Variants in ERLIN2 observed in about 807,000 individuals in gnomAD.
The protein encoded by ERLIN2 is erlin-2.
Under a neutral mutation model 41.5 loss-of-function variants are expected in ERLIN2, and 22 were observed. That is an observed-to-expected ratio of 0.53 (90% confidence interval 0.38 to 0.76). ERLIN2 has a LOEUF of 0.76. Among genes scored for constraint, ERLIN2 ranks in the 30% least tolerant of loss-of-function variants. ERLIN2 has a pLI of 0.00. For missense variants in ERLIN2, 247 were observed against 414.3 expected, an observed-to-expected ratio of 0.60 and a Z score of 3.51; for synonymous variants, 149 against 150.9, an observed-to-expected ratio of 0.99 and a Z score of 0.09.
Position 37,747,786 on chromosome 8 carries a change from G to A in ERLIN2, c.425-1773G>A, listed in dbSNP as rs878951493. The A allele has an allele frequency of 6.8e-6, 11 of 1,613,490 alleles. No homozygotes were observed. The South Asian group carries it at 9.9e-5, about 14-fold the overall frequency. On this transcript the variant is annotated intron_variant, in intron 6 of 11. Coordinates refer to ENST00000519638, the MANE Select transcript of ERLIN2 (RefSeq NM_007175.8). Reference sequence around the variant, plus strand: ...GTCTCCGCAGATACATAGTCTCTTCGTCTTCTGTGTTACAAAACTTATGGG... The same window carrying A: ...GTCTCCGCAGATACATAGTCTCTTCATCTTCTGTGTTACAAAACTTATGGG...
In ERLIN2 at chr8:37,741,821, A is replaced by G; in HGVS notation, c.236+3A>G. ...AAGAATGTACCTTGTGGGACTAGGT[A>G]AGGTACCCAGAATAAAGCTTTTAAG... On this transcript the variant is annotated splice_donor_region_variant and intron_variant, in intron 4 of 11. Coordinates refer to ENST00000519638, the MANE Select transcript of ERLIN2 (RefSeq NM_007175.8). This position sits in a 1 kb window ranked among gnomAD's most constrained non-coding sequence, Gnocchi z 4.8. 6.2e-7 allele frequency: 1 copy of G among 1,611,124 alleles called. No homozygotes were observed. The highest frequency in any genetic ancestry group is 8.5e-7 in the Non-Finnish European group (1 of 1,177,256).
chr8:37,744,869 G>A (rs750999077), intron 6 of ERLIN2, 173 bp downstream of exon 6: 39 of 747,834 alleles, frequency 5.2e-5, no homozygotes, highest in Middle Eastern at 4.4e-4. Flanking sequence ...GGAGAATGCT[G>A]ATAGCTATGC....
chr8:37,744,793 T>C (rs781332915), intron 6 of ERLIN2, 97 bp downstream of exon 6: 18 of 1,273,238 alleles, frequency 1.4e-5, no homozygotes, highest in Middle Eastern at 1.8e-4. Context: ...CAGGGTGTGA[T>C]GGTCACTTAT....
Position 37,754,175 on chromosome 8 carries a change from C to G in ERLIN2, c.*60C>G, listed in dbSNP as rs1473039347. The G allele has an allele frequency of 8.2e-7, 1 of 1,218,170 alleles. No homozygotes were observed. The highest frequency in any genetic ancestry group is 1.2e-6 in the Non-Finnish European group (1 of 835,846). 75.5% of individuals were successfully genotyped at this position (1,218,170 alleles called of 1,614,324 possible). On this transcript the variant is annotated 3_prime_UTR_variant, in exon 12 of 12. Transcript: ENST00000519638. Reference sequence around the variant, plus strand: ...CAGATCTTTATTTTTTAAGATGAATCAGAATGTTCCTCCCTCCCCGACTAC... The same window carrying G: ...CAGATCTTTATTTTTTAAGATGAATGAGAATGTTCCTCCCTCCCCGACTAC...
At chr8:37,748,066 A>C in intron 6 of ERLIN2, 1 of 1,389,938 alleles carries the variant, frequency 7.2e-7, no homozygotes, top group Non-Finnish European at 1.0e-6. Flanking sequence ...AAATGACGTC[A>C]CGAGCGCGCC....
Position 37,740,394 on chromosome 8 carries a change from G to T in ERLIN2, c.137G>T (p.Gly46Val). 1.2e-6 allele frequency: 2 copies of T among 1,612,916 alleles called. No individual in the cohort carries two copies. Among genetic ancestry groups the T allele is most frequent in the Non-Finnish European group, 8.5e-7 (1 of 1,179,354 alleles). ...RGGALLTSTS[G>V]PGFHLMLPFI... ...GGTGCCCTGCTGACTTCGACCAGCG[G>T]CCCTGGTTTCCATCTCATGCTCCCT... Residue 46 changes from glycine to valine, a missense_variant, in exon 3 of 12, where the codon GGC (glycine) becomes GTC (valine). Transcript: ENST00000519638.
Position 37,750,413 on chromosome 8 carries a change from G to C in ERLIN2, c.576G>C (p.Lys192Asn), listed in dbSNP as rs1346004091. 6.2e-7 allele frequency: 1 copy of C among 1,613,368 alleles called. No homozygotes were observed. Among genetic ancestry groups the C allele is most frequent in the Non-Finnish European group, 8.5e-7 (1 of 1,179,784 alleles). ...NYELMESEKT[K>N]LLIAAQKQKV... ...TCTTCAGGGAAAGTGAGAAGACAAA[G>C]CTTCTCATTGCCGCCCAGAAACAGA... is the stretch of plus-strand genomic sequence containing the variant. The change falls in exon 9 of 12, where the codon AAG becomes AAC. Residue 192 changes from lysine (K) to asparagine (N), a missense_variant. Around this residue, in one of 3 missense-constraint regions of ERLIN2, gnomAD observed 153 missense variants for 256.4 expected, o/e 0.60. Transcript: ENST00000519638.
chr8:37,743,589 G>A (rs1032835801), intron 4 of ERLIN2, among the ~76,000 whole-genome samples: 2 of 152,160 alleles, frequency 1.3e-5, no homozygotes, highest in Non-Finnish European at 1.5e-5. Context: ...TGAATCTGGG[G>A]GCGAGGCATA....
At position 37,741,944 on chromosome 8, in the gene ERLIN2, C is replaced by T. The variant is rs1433367471; in HGVS notation, c.236+126C>T. 8 of 746,018 alleles carry T rather than the reference C, an allele frequency of 1.1e-5. No homozygotes were observed. The highest frequency in any genetic ancestry group is 8.7e-5 in the South Asian group (6 of 69,096). 46.2% of individuals were successfully genotyped at this position (746,018 alleles called of 1,614,324 possible). On this transcript the variant is annotated intron_variant, in intron 4 of 11. Coordinates refer to ENST00000519638, the MANE Select transcript of ERLIN2 (RefSeq NM_007175.8). The surrounding 1 kb of genome is among the most constrained non-coding windows in gnomAD (Gnocchi z 4.8). ...TGGTTAATTCCCTGTCTCGTAGCTC[C>T]CTATATTGATTTGACCAGGTGATGG...
chr8:37,746,313 C>G, intron 6 of ERLIN2: 1 of 985,388 alleles, frequency 1.0e-6, no homozygotes, highest in Non-Finnish European at 1.2e-6. Context: ...TCCTCTTTGC[C>G]CATGTTATTA....
In ERLIN2 at chr8:37,757,047, A is replaced by G. The variant is rs543811847; in HGVS notation, c.*2932A>G. ...GATGTGGAGGGATCTGTGATCATAT[A>G]AAAAGGGAGGGTTACTGAAAGAATT... is the stretch of plus-strand genomic sequence containing the variant. On this transcript the variant is annotated 3_prime_UTR_variant, in exon 12 of 12. Transcript: ENST00000519638. The G allele has an allele frequency of 3.3e-5, 5 of 152,258 alleles. No individual in the cohort carries two copies. The highest frequency in any genetic ancestry group is 7.3e-5 in the Non-Finnish European group (5 of 68,036). The allele number at this position is 152,258 out of a possible 1,614,324, so 9.4% of individuals were successfully genotyped here.
chr8:37,753,575 G>T (rs759204207), intron 11 of ERLIN2, 46 bp downstream of exon 11: 7 of 1,559,216 alleles, frequency 4.5e-6, no homozygotes, highest in Non-Finnish European at 6.2e-6. Context: ...TTGGGTCTGG[G>T]TCTGTATTGC....
At chr8:37,742,693 T>A (rs1042949154) in intron 4 of ERLIN2, among the ~76,000 whole-genome samples, 8 of 152,248 alleles carry the variant, frequency 5.3e-5, no homozygotes, top group African/African-American at 1.7e-4. Flanking sequence ...TCAGGAAGAA[T>A]AGCTAATAGA....
At chr8:37,752,783 CA>C in intron 10 of ERLIN2, among the ~76,000 whole-genome samples, 1 of 152,338 alleles carries the variant, frequency 6.6e-6, no homozygotes, top group Non-Finnish European at 1.5e-5. Context: ...ATATGACTTG[CA>C]TAGAGGAATT....
At chr8:37,736,721 G>A (rs1802654454) in intron 1 of ERLIN2, 43 bp downstream of exon 1, 7 of 985,610 alleles carry the variant, frequency 7.1e-6, no homozygotes, top group African/African-American at 1.7e-5. Flanking sequence ...GGGCCTAGCT[G>A]CCGCTCAGGG....
At chr8:37,745,759 A>G in intron 6 of ERLIN2, 1 of 1,505,022 alleles carries the variant, frequency 6.6e-7, no homozygotes, top group Non-Finnish European at 8.9e-7. Context: ...ATGAATCTAA[A>G]TTCATTTTAT....
At chr8:37,752,362 G>C (rs1563317523) in intron 10 of ERLIN2, among the ~76,000 whole-genome samples, 1 of 152,180 alleles carries the variant, frequency 6.6e-6, no homozygotes, top group Admixed American at 6.5e-5. Context: ...TCAAGGCCCA[G>C]CTTCAGGCTA....
At chr8:37,746,176 G>GC (rs1803042570) in intron 6 of ERLIN2, 1 of 987,810 alleles carries the variant, frequency 1.0e-6, no homozygotes, top group Non-Finnish European at 1.2e-6. Flanking sequence ...TAAAGGAGGA[G>GC]CTCATGTCTC....
At chr8:37,744,036 C>A (rs538195627) in intron 4 of ERLIN2, among the ~76,000 whole-genome samples, 2 of 152,346 alleles carry the variant, frequency 1.3e-5, no homozygotes, top group African/African-American at 4.8e-5. Flanking sequence ...CTTGACCCTC[C>A]TTAGTCTTTT....
Sources: gnomAD v4.1 joint callset for allele counts (sites outside exome capture counted in the v4.1 genomes callset) on GRCh38, gnomAD v4.1.1 for gene constraint, gnomAD v4.1.1 regional missense constraint, Gnocchi (gnomAD v3.1) non-coding constraint, MANE v1.5 for transcripts, NCBI Gene and HGNC (gene_info 2026-07-23, HGNC 2026-07-21) for gene names.